The following MED13L variants were observed in gnomAD, a reference collection of about 807,000 sequenced individuals.
The protein encoded by MED13L is mediator complex subunit 13L.
Under a neutral mutation model 220.9 loss-of-function variants are expected in MED13L, and 7 were observed. The ratio of observed to expected loss-of-function variants is 0.03; its 90% CI spans 0.02 to 0.06. The LOEUF is 0.06. Ranked by LOEUF, MED13L falls within the 10% of genes least tolerant of loss-of-function variation. The pLI is 1.00. For missense variants in MED13L, 1,965 were observed against 2,760.5 expected, an observed-to-expected ratio of 0.71 and a Z score of 6.46; for synonymous variants, 1,011 against 1,015.2, an observed-to-expected ratio of 1.00 and a Z score of 0.08.
chr12:116,031,468 T>G (rs1880731233), intron 4 of MED13L, among the ~76,000 whole-genome samples: 1 of 151,086 alleles, frequency 6.6e-6, no homozygotes, highest in Non-Finnish European at 1.5e-5. Context: ...GGCGGGCGCC[T>G]GTGGTCCCAG....
intron 2 of MED13L, among the ~76,000 whole-genome samples, chr12:116,135,061 A>C (rs55686611): frequency 0.17 from 25,942 of 152,066 alleles, 2,424 homozygotes; most frequent in Middle Eastern, 0.26. Context: ...CCCAGCTACT[A>C]GGGAGGCTGA....
intron 2 of MED13L, among the ~76,000 whole-genome samples, chr12:116,144,640 T>C (rs1189165313): frequency 1.3e-5 from 2 of 152,228 alleles, no homozygotes; most frequent in Non-Finnish European, 2.9e-5. Flanking sequence ...AACTACTTTA[T>C]GCAAACATTT....
At chr12:116,253,750 T>TTG in intron 1 of MED13L, among the ~76,000 whole-genome samples, 1 of 146,728 alleles carries the variant, frequency 6.8e-6, no homozygotes, top group Non-Finnish European at 1.5e-5. Context: ...CACGGTTTTT[T>TTG]TTGTTTTTTT....
intron 3 of MED13L, among the ~76,000 whole-genome samples, chr12:116,105,931 A>G (rs1436310190): frequency 3.3e-5 from 5 of 152,184 alleles, no homozygotes; most frequent in African/African-American, 4.8e-5. Flanking sequence ...CAGAAATGGG[A>G]TATACCATTT....
chr12:116,109,265 C>T (rs1396638816), intron 3 of MED13L, among the ~76,000 whole-genome samples: 1 of 151,576 alleles, frequency 6.6e-6, no homozygotes, highest in African/African-American at 2.4e-5. Context: ...GATACATGGT[C>T]TCACCATGTT....
intron 11 of MED13L, chr12:116,007,084 G>C (rs1879094822): frequency 2.8e-6 from 1 of 358,236 alleles, no homozygotes; most frequent in African/African-American, 2.1e-5. Flanking sequence ...TTTACATTTT[G>C]GGTAGTTCGG....
chr12:116,253,354 C>T (rs958864044), intron 1 of MED13L, among the ~76,000 whole-genome samples: 4 of 150,978 alleles, frequency 2.6e-5, no homozygotes, highest in African/African-American at 9.8e-5. Context: ...TATAGCTTCA[C>T]TGGTGAATTC....
chr12:116,060,187 G>A (rs1321962573), intron 4 of MED13L, among the ~76,000 whole-genome samples: 2 of 151,824 alleles, frequency 1.3e-5, no homozygotes, highest in African/African-American at 2.4e-5. Flanking sequence ...AGCATTCTCT[G>A]GATCATTAAA....
At position 116,186,344 on chromosome 12, in the gene MED13L, C is replaced by T. The variant is rs561864473; in HGVS notation, c.310+51124G>A. On this transcript the variant is annotated intron_variant, in intron 2 of 30. Coordinates refer to ENST00000281928, the MANE Select transcript of MED13L (RefSeq NM_015335.5). ...GAACGTAAAGTCAGAAGAGATTAGA[C>T]ATCAGATTTACAGAAAGAAGCAAAG... is the stretch of plus-strand genomic sequence containing the variant. 9.5e-4 allele frequency among the ~76,000 whole-genome samples: 144 copies of T among 152,284 alleles called. 1 individual carries two copies. The highest frequency in any genetic ancestry group is 3.4e-3 in the African/African-American group (141 of 41,548).
chr12:116,046,477 C>T (rs182742402), intron 4 of MED13L, among the ~76,000 whole-genome samples: 16 of 152,268 alleles, frequency 1.1e-4, no homozygotes, highest in Admixed American at 8.5e-4. Flanking sequence ...TTGTTACCTT[C>T]GTTACTCAGC....
chr12:115,985,348 T>C (rs1877613190), intron 19 of MED13L, among the ~76,000 whole-genome samples: 2 of 152,234 alleles, frequency 1.3e-5, no homozygotes, highest in Admixed American at 1.3e-4. Flanking sequence ...ATTGATGTCA[T>C]TACATCATGT....
intron 1 of MED13L, among the ~76,000 whole-genome samples, chr12:116,253,760 T>G (rs937727009): frequency 3.8e-4 from 52 of 136,892 alleles, no homozygotes; most frequent in South Asian, 1.8e-3. Context: ...TTTGTTTTTT[T>G]TTTTTTTTTT....
chr12:116,223,624 A>C (rs1358316397), intron 2 of MED13L, among the ~76,000 whole-genome samples: 2 of 152,158 alleles, frequency 1.3e-5, no homozygotes, highest in Non-Finnish European at 2.9e-5. Context: ...GAATCACCTG[A>C]ACCCGGGAGG....
At chr12:116,048,710 T>C (rs901585446) in intron 4 of MED13L, among the ~76,000 whole-genome samples, 13 of 151,960 alleles carry the variant, frequency 8.6e-5, no homozygotes, top group Admixed American at 3.9e-4. Flanking sequence ...GGCAGAAAAA[T>C]TGACTAAGAA....
chr12:116,039,955 G>T (rs1206852628), intron 4 of MED13L, among the ~76,000 whole-genome samples: 1 of 152,140 alleles, frequency 6.6e-6, no homozygotes, highest in Non-Finnish European at 1.5e-5. Context: ...ACCTAGGTGT[G>T]AGTGTGAGAG....
In MED13L at chr12:115,975,272, T is replaced by C. The variant is rs772898348; in HGVS notation, c.5630A>G (p.Gln1877Arg). Residue 1877 changes from glutamine (Q) to arginine (R), a missense_variant, in exon 25 of 31, where the codon CAG becomes CGG. Gln to Arg is a conservative substitution (Grantham distance 43). This residue lies in a region of MED13L where 510 missense variants were observed against 620.4 expected (regional missense o/e 0.82). Transcript: ENST00000281928. ...CCCTATGCACCACTCCCATAACTTC[T>C]GTAGTCCAATTTTACGTGCAGATAC... The part of the protein sequence containing the change: ...SKVSARKIGL[Q>R]KLWEWCIGIV... The C allele has an allele frequency of 1.9e-5, 31 of 1,614,134 alleles. No individual in the cohort carries two copies. Among genetic ancestry groups the C allele is most frequent in the Non-Finnish European group, 2.5e-5 (30 of 1,179,992 alleles).
chr12:116,097,235 C>T (rs1343891950), intron 3 of MED13L, among the ~76,000 whole-genome samples: 2 of 151,982 alleles, frequency 1.3e-5, no homozygotes, highest in East Asian at 3.9e-4. Context: ...AGCCGCCACC[C>T]CCCAGGTTCA....
intron 2 of MED13L, among the ~76,000 whole-genome samples, chr12:116,141,763 G>A (rs1375040822): frequency 6.6e-6 from 1 of 152,034 alleles, no homozygotes; most frequent in Non-Finnish European, 1.5e-5. Context: ...TCTTCTCCAT[G>A]TGGTAGCTAG....
At chr12:116,145,684 T>TA (rs1877435614) in intron 2 of MED13L, among the ~76,000 whole-genome samples, 1 of 134,446 alleles carries the variant, frequency 7.4e-6, no homozygotes, top group African/African-American at 3.2e-5. Context: ...TTTATTTATT[T>TA]ATTTATTTAT....
Sources: allele counts gnomAD v4.1 joint callset (sites outside exome capture counted in the v4.1 genomes callset), GRCh38; gene constraint gnomAD v4.1.1; regional missense constraint gnomAD v4.1.1; transcripts MANE v1.5; gene names NCBI Gene and HGNC (gene_info 2026-07-23, HGNC 2026-07-21).